Variants in FAM53B observed in about 807,000 individuals in gnomAD.
FAM53B encodes the protein family with sequence similarity 53 member B, also known as protein FAM53B.
In FAM53B, 12 loss-of-function variants were observed where a neutral mutation model predicts 32.7. That is an observed-to-expected ratio of 0.37 (90% CI 0.24 to 0.59). The LOEUF (loss-of-function observed/expected upper bound fraction) is 0.59. Among genes scored for constraint, FAM53B ranks in the 20% least tolerant of loss-of-function variants. The pLI, the probability that FAM53B is intolerant of heterozygous loss-of-function variation, is 0.72. For missense variants in FAM53B, 477 were observed against 577.7 expected, an observed-to-expected ratio of 0.83 and a Z score of 1.79; for synonymous variants, 234 against 228.7, an observed-to-expected ratio of 1.02 and a Z score of -0.21.
intron 3 of FAM53B, among the ~76,000 whole-genome samples, chr10:124,689,597 GC>G (rs945514096): frequency 2.0e-5 from 3 of 152,200 alleles, no homozygotes; most frequent in African/African-American, 4.8e-5. Context: ...GCACCATCAG[GC>G]CCCACATCCA....
At chr10:124,680,333 T>C (rs1949761789) in intron 4 of FAM53B, among the ~76,000 whole-genome samples, 1 of 152,192 alleles carries the variant, frequency 6.6e-6, no homozygotes, top group Non-Finnish European at 1.5e-5. Context: ...CCCCAGCCAG[T>C]GCCCAGGCTC....
At chr10:124,691,463 AGT>A (rs1949832037) in intron 3 of FAM53B, among the ~76,000 whole-genome samples, 1 of 152,212 alleles carries the variant, frequency 6.6e-6, no homozygotes, top group South Asian at 2.1e-4. Context: ...TAACTCCTAA[AGT>A]AATTATGGGT....
At chr10:124,694,503 G>A (rs1949855731) in intron 3 of FAM53B, among the ~76,000 whole-genome samples, 1 of 152,220 alleles carries the variant, frequency 6.6e-6, no homozygotes, top group Non-Finnish European at 1.5e-5. Context: ...CTTACACAGT[G>A]CAAAGACTAG....
At chr10:124,696,329 G>A in intron 2 of FAM53B, 117 bp from the exon 3 acceptor site, 1 of 895,202 alleles carries the variant, frequency 1.1e-6, no homozygotes, top group Non-Finnish European at 1.8e-6. Flanking sequence ...GCCAATGTCA[G>A]ATCAGGGAAA....
chr10:124,667,523 G>T (rs532261908), intron 4 of FAM53B: 26 of 707,196 alleles, frequency 3.7e-5, no homozygotes, highest in Admixed American at 3.4e-4. Flanking sequence ...CTCCACCTGT[G>T]TGGTCAGAGG....
intron 1 of FAM53B, among the ~76,000 whole-genome samples, chr10:124,718,928 G>T (rs1950052171): frequency 6.6e-6 from 1 of 152,042 alleles, no homozygotes; most frequent in African/African-American, 2.4e-5. Context: ...TACACCTGTG[G>T]TCCCAGCTAC....
chr10:124,703,482 C>G (rs1949929485), intron 2 of FAM53B: 1 of 152,392 alleles, frequency 6.6e-6, no homozygotes, highest in Admixed American at 6.5e-5. Context: ...CTCAGTGTAG[C>G]TGCACCTCCA....
At chr10:124,711,221 C>T (rs1354363258) in intron 1 of FAM53B, among the ~76,000 whole-genome samples, 1 of 152,158 alleles carries the variant, frequency 6.6e-6, no homozygotes, top group Non-Finnish European at 1.5e-5. Context: ...TCCCCAAAGG[C>T]TCACTATTCT....
chr10:124,681,880 C>G lies in FAM53B; in HGVS notation c.633G>C (p.Trp211Cys). 2 of 1,613,648 alleles carry G rather than the reference C, an allele frequency of 1.2e-6. No homozygotes were observed. Among genetic ancestry groups the G allele is most frequent in the Non-Finnish European group, 1.7e-6 (2 of 1,179,884 alleles). ...CTCCCACGGGGTGCAGGTCAGGGCT[C>G]CAGGTGTCACCTGCCTGTCCACACG... ...SAPCGQAGDT[W>C]SPDLHPVGGG... The change falls in exon 4 of 5, where the codon TGG (tryptophan) becomes TGC (cysteine). Residue 211 changes from tryptophan to cysteine, a missense_variant. Trp to Cys is a radical substitution (Grantham distance 215). Transcript: ENST00000337318.
chr10:124,659,598 T>C (rs1423574210), intron 4 of FAM53B, among the ~76,000 whole-genome samples: 6 of 152,244 alleles, frequency 3.9e-5, no homozygotes, highest in Admixed American at 3.9e-4. Context: ...GGGCACAGGA[T>C]AAAACCACAG....
At chr10:124,696,606 G>A (rs559953469) in intron 2 of FAM53B, among the ~76,000 whole-genome samples, 1 of 152,260 alleles carries the variant, frequency 6.6e-6, no homozygotes, top group East Asian at 1.9e-4. Flanking sequence ...CTGGGGACAC[G>A]AAGAACCTCA....
At chr10:124,720,494 A>G (rs1950062491) in intron 1 of FAM53B, among the ~76,000 whole-genome samples, 1 of 152,178 alleles carries the variant, frequency 6.6e-6, no homozygotes, top group Non-Finnish European at 1.5e-5. Context: ...TAAAATGTAA[A>G]AACAAAAAAA....
intron 2 of FAM53B, among the ~76,000 whole-genome samples, chr10:124,697,351 A>G (rs1368407025): frequency 6.6e-6 from 1 of 152,182 alleles, no homozygotes; most frequent in Non-Finnish European, 1.5e-5. Context: ...CAAGACTTCC[A>G]GGCTGGTAAG....
chr10:124,651,451 GAGGCAGTATAA>G lies in FAM53B; in HGVS notation c.907-27858_907-27848del, dbSNP rs1181844320. On this transcript the variant is annotated intron_variant, in intron 4 of 4. Transcript: ENST00000337318. This position sits in a 1 kb window ranked among gnomAD's most constrained non-coding sequence, Gnocchi z 5.2. ...GATGAAGCTAAGAGGGCTGCCAGGG[GAGGCAGTATAA>G]AGGCATGCTGTGGCCCCTCACTGCT... is the stretch of plus-strand genomic sequence containing the variant. Among the ~76,000 whole-genome samples the G allele has an allele frequency of 6.6e-6, 1 of 152,206 alleles. No homozygotes were observed. Among genetic ancestry groups the G allele is most frequent in the Non-Finnish European group, 1.5e-5 (1 of 68,028 alleles).
At chr10:124,721,514 G>A (rs1002301603) in intron 1 of FAM53B, among the ~76,000 whole-genome samples, 3 of 152,208 alleles carry the variant, frequency 2.0e-5, no homozygotes, top group African/African-American at 4.8e-5. Flanking sequence ...CTGTAAGGGA[G>A]TCTCCCCAAG....
At chr10:124,717,246 A>T (rs2134093721) in intron 1 of FAM53B, among the ~76,000 whole-genome samples, 1 of 152,238 alleles carries the variant, frequency 6.6e-6, no homozygotes, top group Non-Finnish European at 1.5e-5. Context: ...TCCGTTTCTG[A>T]CTAGTGAGAC....
At chr10:124,640,753 T>TG (rs559712907) in intron 4 of FAM53B, among the ~76,000 whole-genome samples, 2 of 151,854 alleles carry the variant, frequency 1.3e-5, no homozygotes, top group Admixed American at 6.6e-5. Context: ...AGGGAGTGAG[T>TG]GGGGAGGATC....
At chr10:124,743,727 C>A (rs1258567785) in intron 1 of FAM53B, among the ~76,000 whole-genome samples, 1 of 151,958 alleles carries the variant, frequency 6.6e-6, no homozygotes, top group Non-Finnish European at 1.5e-5. Flanking sequence ...ACTTTTCCGC[C>A]GCAGCCAGGC....
At chr10:124,660,396 G>A (rs1339400457) in intron 4 of FAM53B, among the ~76,000 whole-genome samples, 1 of 152,210 alleles carries the variant, frequency 6.6e-6, no homozygotes, top group African/African-American at 2.4e-5. Flanking sequence ...CCAGAGTAAT[G>A]CCATTTTCAT....
Sources: gnomAD v4.1 joint callset for allele counts (sites outside exome capture counted in the v4.1 genomes callset) on GRCh38, gnomAD v4.1.1 for gene constraint, Gnocchi (gnomAD v3.1) non-coding constraint, MANE v1.5 for transcripts, NCBI Gene and HGNC (gene_info 2026-07-23, HGNC 2026-07-21) for gene names.